SLC35D1: variants seen among roughly 807,000 people sequenced by gnomAD.
SLC35D1 encodes the protein solute carrier family 35 member D1, also known as nucleotide sugar transporter SLC35D1.
In SLC35D1, 31 loss-of-function variants were observed where a neutral mutation model predicts 46.7. The ratio of observed to expected loss-of-function variants is 0.66; its 90% confidence interval spans 0.50 to 0.90. The LOEUF (loss-of-function observed/expected upper bound fraction) is 0.90. SLC35D1 is among the 40% of genes least tolerant of loss of function. The pLI, the probability that SLC35D1 is intolerant of heterozygous loss-of-function variation, is 0.00. For missense variants in SLC35D1, 397 were observed against 426.2 expected, an observed-to-expected ratio of 0.93 and a Z score of 0.60; for synonymous variants, 195 against 164.6, an observed-to-expected ratio of 1.18 and a Z score of -1.41.
intron 5 of SLC35D1, 64 bp downstream of exon 5, chr1:67,050,369 T>C: frequency 8.3e-7 from 1 of 1,201,976 alleles, no homozygotes; most frequent in Non-Finnish European, 1.2e-6. Flanking sequence ...ATTTAATATC[T>C]CACATATGCT....
At chr1:67,018,961 T>C (rs1236862597) in intron 10 of SLC35D1, among the ~76,000 whole-genome samples, 1 of 152,152 alleles carries the variant, frequency 6.6e-6, no homozygotes, top group African/African-American at 2.4e-5. Flanking sequence ...CAATTCAGTT[T>C]TTGCCTCCCT....
At chr1:67,037,638 T>A (rs1379183486) in intron 8 of SLC35D1, among the ~76,000 whole-genome samples, 1 of 152,216 alleles carries the variant, frequency 6.6e-6, no homozygotes, top group Non-Finnish European at 1.5e-5. Flanking sequence ...AGTTTCAATG[T>A]CCACTTGAGG....
At chr1:67,007,657 A>G (rs981053649) in intron 11 of SLC35D1, among the ~76,000 whole-genome samples, 2 of 152,216 alleles carry the variant, frequency 1.3e-5, no homozygotes, top group Admixed American at 1.3e-4. Context: ...CAACGAGCAT[A>G]CTATGTGTTA....
the SLC35D1 span, among the ~76,000 whole-genome samples, chr1:66,991,361 A>G: frequency 2.0e-5 from 3 of 152,214 alleles, no homozygotes; most frequent in African/African-American, 7.2e-5. Context: ...GATGTCAGTG[A>G]CCACATTGCT....
At chr1:67,033,769 T>C (rs1468862424) in intron 8 of SLC35D1, among the ~76,000 whole-genome samples, 1 of 152,214 alleles carries the variant, frequency 6.6e-6, no homozygotes, top group East Asian at 1.9e-4. Flanking sequence ...CCCAGTCCAA[T>C]ATGCTGGAGA....
At chr1:67,014,953 T>C (rs1667651298) in intron 10 of SLC35D1, among the ~76,000 whole-genome samples, 1 of 151,368 alleles carries the variant, frequency 6.6e-6, no homozygotes, top group Non-Finnish European at 1.5e-5. Context: ...AGCTCTATTC[T>C]TTGTCTTGCA....
At chr1:67,046,573 A>G (rs952240036) in intron 7 of SLC35D1, among the ~76,000 whole-genome samples, 1 of 152,234 alleles carries the variant, frequency 6.6e-6, no homozygotes, top group African/African-American at 2.4e-5. Flanking sequence ...TATGATATCA[A>G]GGACAATTCC....
At chr1:67,026,598 A>G (rs913680318) in intron 8 of SLC35D1, among the ~76,000 whole-genome samples, 3 of 152,196 alleles carry the variant, frequency 2.0e-5, no homozygotes, top group Admixed American at 6.5e-5. Context: ...TATTTTGAGG[A>G]AAGTTTTTAA....
At chr1:66,976,047 G>T in the SLC35D1 span, among the ~76,000 whole-genome samples, 1 of 152,068 alleles carries the variant, frequency 6.6e-6, no homozygotes, top group Admixed American at 6.5e-5. Context: ...GAGTGCAGTG[G>T]TGTGATCTCA....
chr1:67,037,256 T>C (rs1668143422), intron 8 of SLC35D1, among the ~76,000 whole-genome samples: 1 of 152,180 alleles, frequency 6.6e-6, no homozygotes, highest in Admixed American at 6.5e-5. Flanking sequence ...TAAGTAGATA[T>C]TTTGTTGAAA....
chr1:66,976,789 G>C, the SLC35D1 span: 1 of 1,300,392 alleles, frequency 7.7e-7, no homozygotes, highest in South Asian at 1.8e-5. Context: ...TTTTTCTTGA[G>C]TTAATTATTA....
chr1:66,988,587 T>C, the SLC35D1 span: 1 of 152,156 alleles, frequency 6.6e-6, no homozygotes, highest in African/African-American at 2.4e-5. Flanking sequence ...AATTATAGAA[T>C]GTATAATGTA....
the SLC35D1 span, chr1:66,987,766 T>C: frequency 2.0e-5 from 3 of 152,202 alleles, no homozygotes; most frequent in African/African-American, 7.3e-5. Flanking sequence ...AAGGCAAATA[T>C]ATATATATAC....
chr1:66,992,659 T>C, the SLC35D1 span, among the ~76,000 whole-genome samples: 1 of 152,358 alleles, frequency 6.6e-6, no homozygotes, highest in African/African-American at 2.4e-5. Flanking sequence ...TTAACCCTTG[T>C]CCAGTCAATC....
Position 67,023,137 on chromosome 1 carries a change from CCGTTA to C in SLC35D1, c.730-1540_730-1536del, listed in dbSNP as rs1203154410. 1.4e-4 allele frequency among the ~76,000 whole-genome samples: 21 copies of C among 152,282 alleles called. No individual in the cohort carries two copies. The South Asian group carries it at 1.7e-3, about 12-fold the overall frequency. On this transcript the variant is annotated intron_variant, in intron 8 of 11. Coordinates refer to ENST00000235345, the MANE Select transcript of SLC35D1 (RefSeq NM_015139.3). ...AAGTTATTATGAACCTTTGAACCTT[CCGTTA>C]CAAGTCTCCCAACTGACATGTTTTT...
Position 67,000,999 on chromosome 1 carries a change from T to C in SLC35D1, c.*3341A>G, listed in dbSNP as rs1043781839. On this transcript the variant is annotated 3_prime_UTR_variant, in exon 12 of 12. Coordinates refer to ENST00000235345, the MANE Select transcript of SLC35D1 (RefSeq NM_015139.3). ...TCACGGACTCCTTTCATCTGTCTCC[T>C]TTCTCCCACTCAGGGTCCAGGTTTC... 5 of 152,382 alleles carry C rather than the reference T, an allele frequency of 3.3e-5. No homozygotes were observed. The highest frequency in any genetic ancestry group is 5.9e-5 in the Non-Finnish European group (4 of 68,066). The allele number at this position is 152,382 out of a possible 1,614,324, so 9.4% of individuals were successfully genotyped here.
chr1:66,992,615 T>C, the SLC35D1 span, among the ~76,000 whole-genome samples: 2 of 152,246 alleles, frequency 1.3e-5, no homozygotes, highest in African/African-American at 4.8e-5. Flanking sequence ...TGGCACTGAA[T>C]GGCTCACACG....
rs891157548 is a variant in SLC35D1, at chr1:66,999,710, C to T, written c.*4630G>A. 6.6e-6 allele frequency: 1 copy of T among 151,492 alleles called. No homozygotes were observed. Among genetic ancestry groups the T allele is most frequent in the African/African-American group, 2.4e-5 (1 of 41,224 alleles). 9.4% of individuals were successfully genotyped at this position (151,492 alleles called of 1,614,324 possible). On this transcript the variant is annotated 3_prime_UTR_variant, in exon 12 of 12. Transcript: ENST00000235345. ...CTTTAAAAAAAAAAAAACTACAACA[C>T]TGTAAACTATATCCTCATGCCATGA...
At chr1:66,990,406 G>A in the SLC35D1 span, among the ~76,000 whole-genome samples, 17 of 152,270 alleles carry the variant, frequency 1.1e-4, no homozygotes, top group African/African-American at 4.1e-4. Flanking sequence ...CTCCCAAGTG[G>A]CTGGGACAGG....
Sources: gnomAD v4.1 joint callset for allele counts (sites outside exome capture counted in the v4.1 genomes callset) on GRCh38, gnomAD v4.1.1 for gene constraint, MANE v1.5 for transcripts, NCBI Gene and HGNC (gene_info 2026-07-23, HGNC 2026-07-21) for gene names.